APBB2: variants seen among roughly 807,000 people sequenced by gnomAD.
APBB2 encodes amyloid beta precursor protein binding family B member 2.
Under a neutral mutation model 82.5 loss-of-function variants are expected in APBB2, and 38 were observed. That is an observed-to-expected ratio of 0.46 (90% confidence interval 0.36 to 0.60). The LOEUF (loss-of-function observed/expected upper bound fraction) is 0.60. APBB2 is among the 20% of genes least tolerant of loss of function. The pLI is 0.00. For synonymous variants in APBB2, 341 were observed against 368.2 expected, an observed-to-expected ratio of 0.93 and a Z score of 0.85; for missense variants, 772 against 972.3, an observed-to-expected ratio of 0.79 and a Z score of 2.74.
chr4:40,831,306 G>A (rs1280172518), intron 12 of APBB2, among the ~76,000 whole-genome samples: 1 of 152,124 alleles, frequency 6.6e-6, no homozygotes, highest in African/African-American at 2.4e-5. Context: ...GGCTGAGGCA[G>A]GAGAATCGCC....
At chr4:40,977,201 T>G (rs1797381403) in intron 6 of APBB2, among the ~76,000 whole-genome samples, 1 of 152,192 alleles carries the variant, frequency 6.6e-6, no homozygotes, top group African/African-American at 2.4e-5. Context: ...GCAAAGCACC[T>G]TGCTAGATGC....
intron 10 of APBB2, among the ~76,000 whole-genome samples, chr4:40,896,853 G>C (rs1773811334): frequency 6.6e-6 from 1 of 152,268 alleles, no homozygotes; most frequent in African/African-American, 2.4e-5. Flanking sequence ...GCTTGGACAG[G>C]GTACTGTGGA....
chr4:41,044,118 C>T (rs933587126), intron 4 of APBB2, among the ~76,000 whole-genome samples: 1 of 152,138 alleles, frequency 6.6e-6, no homozygotes, highest in African/African-American at 2.4e-5. Flanking sequence ...AGTGACATTC[C>T]AATTATTTAA....
chr4:40,993,570 T>C (rs1003568813), intron 6 of APBB2, among the ~76,000 whole-genome samples: 3 of 151,746 alleles, frequency 2.0e-5, no homozygotes, highest in Non-Finnish European at 4.4e-5. Context: ...TTATTTTTTA[T>C]AGAGATGAAG....
chr4:40,816,891 G>C (rs1001380840), intron 17 of APBB2, among the ~76,000 whole-genome samples: 1 of 152,046 alleles, frequency 6.6e-6, no homozygotes, highest in East Asian at 1.9e-4. Context: ...AAAAAGATGA[G>C]GTATTAAGAT....
intron 1 of APBB2, among the ~76,000 whole-genome samples, chr4:41,181,451 T>A (rs1165566862): frequency 1.3e-5 from 2 of 152,252 alleles, no homozygotes; most frequent in African/African-American, 4.8e-5. Context: ...ATGTAAATTA[T>A]CCCAAGAGCT....
chr4:41,100,819 G>A (rs1449392932), intron 2 of APBB2, 69 bp from the exon 3 acceptor site: 1 of 152,100 alleles, frequency 6.6e-6, no homozygotes, highest in Admixed American at 6.5e-5. Flanking sequence ...CAAAATACCC[G>A]ACTGTCATTC....
intron 3 of APBB2, among the ~76,000 whole-genome samples, chr4:41,071,989 C>T (rs1445329428): frequency 6.6e-6 from 1 of 150,672 alleles, no homozygotes; most frequent in Non-Finnish European, 1.5e-5. Context: ...TGGGTTTCTA[C>T]CACCACAAAG....
At chr4:41,016,389 C>T (rs1170450728) in intron 5 of APBB2, among the ~76,000 whole-genome samples, 1 of 152,112 alleles carries the variant, frequency 6.6e-6, no homozygotes, top group Admixed American at 6.6e-5. Context: ...CAGCCGGGTG[C>T]GGTGGCTCAC....
intron 1 of APBB2, among the ~76,000 whole-genome samples, chr4:41,155,352 A>C (rs931562473): frequency 3.9e-5 from 6 of 152,262 alleles, no homozygotes; most frequent in African/African-American, 1.4e-4. Flanking sequence ...TAGTTTAAAA[A>C]TAACACAGTG....
intron 1 of APBB2, among the ~76,000 whole-genome samples, chr4:41,171,605 T>C (rs1580605445): frequency 6.6e-6 from 1 of 152,226 alleles, no homozygotes; most frequent in Admixed American, 6.5e-5. Context: ...CCTACCTGTA[T>C]CCACTGTGAC....
intron 2 of APBB2, among the ~76,000 whole-genome samples, chr4:41,102,345 T>A (rs190296472): frequency 2.6e-5 from 4 of 152,182 alleles, no homozygotes; most frequent in Admixed American, 6.5e-5. Flanking sequence ...CAGGTTCTTC[T>A]CTGTGTCTTA....
rs552793591 is a variant in APBB2, at chr4:41,022,748, G to C, written c.20-8350C>G. ...GAGAATAAATCCTCAAGTAAAACGG[G>C]AAAGGCAAGTGTTTCAATTAACATC... On this transcript the variant is annotated intron_variant, in intron 5 of 17. Coordinates refer to ENST00000508593, the MANE Select transcript of APBB2 (RefSeq NM_004307.2). 4.3e-4 allele frequency among the ~76,000 whole-genome samples: 66 copies of C among 152,308 alleles called. No individual in the cohort carries two copies. In the Middle Eastern group the frequency reaches 0.01, roughly 24 times the overall value.
At chr4:40,916,714 G>A (rs998080371) in intron 10 of APBB2, among the ~76,000 whole-genome samples, 2 of 152,198 alleles carry the variant, frequency 1.3e-5, no homozygotes, top group South Asian at 2.1e-4. Context: ...TATTCTGAGA[G>A]CGAGCATGAC....
At chr4:41,136,482 G>C (rs142012036) in intron 2 of APBB2, among the ~76,000 whole-genome samples, 5 of 152,268 alleles carry the variant, frequency 3.3e-5, no homozygotes, top group African/African-American at 1.2e-4. Flanking sequence ...TTTAGGAGGT[G>C]ATATTATCAG....
chr4:41,204,604 C>T (rs1415355455), intron 1 of APBB2, among the ~76,000 whole-genome samples: 5 of 152,176 alleles, frequency 3.3e-5, no homozygotes, highest in South Asian at 2.1e-4. Context: ...CCCAGTAATA[C>T]GTATCACATA....
intron 13 of APBB2, among the ~76,000 whole-genome samples, chr4:40,830,157 C>T (rs964269392): frequency 1.3e-5 from 2 of 149,752 alleles, no homozygotes; most frequent in African/African-American, 2.5e-5. Flanking sequence ...CTACTTAGAG[C>T]GATGCCTGCC....
At chr4:40,951,585 C>T (rs1237308728) in intron 6 of APBB2, among the ~76,000 whole-genome samples, 2 of 152,190 alleles carry the variant, frequency 1.3e-5, no homozygotes, top group Non-Finnish European at 2.9e-5. Context: ...CTCAGCCACT[C>T]CCTATGTGAG....
intron 6 of APBB2, among the ~76,000 whole-genome samples, chr4:40,975,393 T>G (rs1179494053): frequency 6.6e-6 from 1 of 152,148 alleles, no homozygotes; most frequent in Non-Finnish European, 1.5e-5. Context: ...AGTTCTCCCC[T>G]CACTCCCCTG....
Sources: allele counts gnomAD v4.1 joint callset (sites outside exome capture counted in the v4.1 genomes callset), GRCh38; gene constraint gnomAD v4.1.1; transcripts MANE v1.5; gene names NCBI Gene and HGNC (gene_info 2026-07-23, HGNC 2026-07-21).